Variants in TRIOBP observed in about 807,000 individuals in gnomAD.
TRIOBP encodes TRIO and F-actin-binding protein.
Under a neutral mutation model 238.8 loss-of-function variants are expected in TRIOBP, and 169 were observed. The observed-to-expected ratio is 0.71, with a 90% CI of 0.62 to 0.80. TRIOBP has a LOEUF of 0.80. TRIOBP is among the 30% of genes least tolerant of loss of function. The probability of loss-of-function intolerance (pLI) is 0.00; values close to 1 mark genes in which losing one functional copy is unlikely to be tolerated. For missense variants in TRIOBP, 2,838 were observed against 3,122.6 expected (o/e 0.91, Z 2.17); for synonymous variants, 1,150 against 1,274.4 (o/e 0.90, Z 2.08).
At chr22:37,746,994 C>T (rs1003280237) in intron 11 of TRIOBP, among the ~76,000 whole-genome samples, 6 of 152,238 alleles carry the variant, frequency 3.9e-5, no homozygotes, top group Non-Finnish European at 8.8e-5. Context: ...GATACCACGT[C>T]TTCCTGGGCT....
chr22:37,751,282 C>T (rs975223138), intron 11 of TRIOBP: 5 of 346,376 alleles, frequency 1.4e-5, no homozygotes, highest in African/African-American at 4.3e-5. Context: ...GTGACTGGCT[C>T]CACCTCCCAT....
Position 37,741,009 on chromosome 22 carries a change from C to G in TRIOBP, c.5299C>G (p.Leu1767Val). Residue 1767 changes from leucine to valine, a missense_variant, in exon 11 of 24, where the codon CTG (leucine) becomes GTG (valine). Physicochemically the swap from Leu to Val is conservative, Grantham distance 32. Around this residue, in one of 5 missense-constraint regions of TRIOBP, gnomAD observed 2,096 missense variants for 2,137.4 expected, o/e 0.98. Coordinates refer to ENST00000644935, the MANE Select transcript of TRIOBP (RefSeq NM_001039141.3). ...PTLFNPFLLS[L>V]GVLRWRRPDL... ...GCTGTTCAATCCGTTCCTGCTGTCT[C>G]TGGGGGTCCTCAGGTGGCGAAGGGT... is the stretch of plus-strand genomic sequence containing the variant. 1 of 1,561,762 alleles carries G rather than the reference C, an allele frequency of 6.4e-7. No individual in the cohort carries two copies. The highest frequency in any genetic ancestry group is 8.7e-7 in the Non-Finnish European group (1 of 1,152,474).
At chr22:37,720,349 C>T (rs1032425037) in intron 6 of TRIOBP, among the ~76,000 whole-genome samples, 19 of 152,068 alleles carry the variant, frequency 1.2e-4, no homozygotes, top group African/African-American at 2.4e-4. Context: ...AAGCTACAGA[C>T]GTGATGGGAT....
intron 4 of TRIOBP, among the ~76,000 whole-genome samples, chr22:37,711,602 A>AAAAAAAC (rs1923247690): frequency 7.1e-6 from 1 of 140,600 alleles, no homozygotes; most frequent in Non-Finnish European, 1.5e-5. Context: ...ACAACAAAAA[A>AAAAAAAC]AAAAAACAAA....
chr22:37,753,101 G>T (rs146141006), intron 12 of TRIOBP, among the ~76,000 whole-genome samples: 14 of 152,084 alleles, frequency 9.2e-5, no homozygotes, highest in Admixed American at 6.5e-4. Flanking sequence ...CAGCAACTCC[G>T]TTTACTTAGT....
In TRIOBP at chr22:37,746,360, C is replaced by G. The variant is rs754250186; in HGVS notation, c.5322+5328C>G. The G allele has an allele frequency of 4.1e-4, 507 of 1,251,226 alleles. 7 individuals carry two copies. The East Asian group carries it at 0.016, about 40-fold the overall frequency. The allele number at this position is 1,251,226 out of a possible 1,614,324, so 77.5% of individuals were successfully genotyped here. A position where few individuals can be genotyped will look rare whatever the true frequency, so the allele number is the denominator to read the frequency against. On this transcript the variant is annotated intron_variant, in intron 11 of 23. Transcript: ENST00000644935. ...GGGTTCCCGCGCCGCGGAGCCCGGC[C>G]CGAGAGCCGCGTCCACGTTCCTGCC... is the stretch of plus-strand genomic sequence containing the variant.
Position 37,772,664 on chromosome 22 carries a change from C to T in TRIOBP, c.7000C>T (p.Arg2334Trp), listed in dbSNP as rs763308152. The T allele has an allele frequency of 5.0e-6, 8 of 1,613,990 alleles. No homozygotes were observed. The highest frequency in any genetic ancestry group is 2.7e-5 in the African/African-American group (2 of 74,910). Residue 2334 changes from arginine to tryptophan, a missense_variant, in exon 23 of 24, where the codon CGG becomes TGG. Coordinates refer to ENST00000644935, the MANE Select transcript of TRIOBP (RefSeq NM_001039141.3). Reference sequence around the variant, plus strand: ...TGTGGAGCTGAGCCACATCAAGACACGGTCTGAGCGGGAGATCGAGCAGCT... The same window carrying T: ...TGTGGAGCTGAGCCACATCAAGACATGGTCTGAGCGGGAGATCGAGCAGCT... ...VYVELSHIKTRSEREIEQLKE... is the reference protein window; with the variant it reads ...VYVELSHIKTWSEREIEQLKE...
At chr22:37,761,769 G>A (rs965520704) in intron 17 of TRIOBP, among the ~76,000 whole-genome samples, 6 of 152,062 alleles carry the variant, frequency 3.9e-5, no homozygotes, top group African/African-American at 1.2e-4. Flanking sequence ...TGATAGAGGA[G>A]CAGGCAGGGG....
intron 10 of TRIOBP, among the ~76,000 whole-genome samples, chr22:37,739,061 C>G (rs999034500): frequency 6.6e-6 from 1 of 152,140 alleles, no homozygotes; most frequent in Non-Finnish European, 1.5e-5. Flanking sequence ...AGGGCCAGGC[C>G]AGGCTGAAAG....
chr22:37,770,839 C>T (rs1379541629), intron 21 of TRIOBP, among the ~76,000 whole-genome samples: 4 of 152,072 alleles, frequency 2.6e-5, no homozygotes, highest in Non-Finnish European at 5.9e-5. Flanking sequence ...CCCGCCACCA[C>T]ACCTGGCTAA....
At chr22:37,754,147 C>T (rs934369998) in intron 12 of TRIOBP, among the ~76,000 whole-genome samples, 18 of 152,282 alleles carry the variant, frequency 1.2e-4, no homozygotes, top group East Asian at 3.9e-4. Context: ...CGGTGGCTCA[C>T]GCCTGTAATC....
intron 17 of TRIOBP, among the ~76,000 whole-genome samples, chr22:37,763,850 G>A (rs969469338): frequency 2.6e-5 from 4 of 152,172 alleles, no homozygotes; most frequent in Admixed American, 6.5e-5. Flanking sequence ...GAGTCTTGCC[G>A]CGCTGCAGCC....
chr22:37,772,005 C>T, intron 22 of TRIOBP: 1 of 523,916 alleles, frequency 1.9e-6, no homozygotes, highest in South Asian at 1.8e-5. Flanking sequence ...CCTACTATAT[C>T]CTGGGCACTG....
intron 17 of TRIOBP, chr22:37,759,775 GT>G: frequency 7.2e-7 from 1 of 1,385,362 alleles, no homozygotes. Context: ...GGTCCATTTT[GT>G]CCCCCTTGGG....
rs1169724417 is a variant in TRIOBP, at chr22:37,755,143, G to T, written c.5530G>T (p.Asp1844Tyr). Residue 1844 changes from aspartate (D) to tyrosine (Y), a missense_variant, in exon 14 of 24, where the codon GAT becomes TAT. Coordinates refer to ENST00000644935, the MANE Select transcript of TRIOBP (RefSeq NM_001039141.3). ...TGAGATCGACCTGCGTTCCTGCACG[G>T]ATGTCACTGAGTACGCGGTGCAGCG... ...DGEIDLRSCT[D>Y]VTEYAVQRNY... The T allele has an allele frequency of 6.2e-7, 1 of 1,613,826 alleles. No individual in the cohort carries two copies. Among genetic ancestry groups the T allele is most frequent in the Non-Finnish European group, 8.5e-7 (1 of 1,179,896 alleles).
intron 11 of TRIOBP, chr22:37,751,431 G>T (rs1441796280): frequency 7.4e-6 from 3 of 404,982 alleles, no homozygotes; most frequent in Non-Finnish European, 1.4e-5. Context: ...CTCTCAGGGG[G>T]TCTCTATGCA....
chr22:37,706,135 A>C (rs1288951298), intron 3 of TRIOBP, among the ~76,000 whole-genome samples: 1 of 151,524 alleles, frequency 6.6e-6, no homozygotes, highest in East Asian at 1.9e-4. Flanking sequence ...CCCATGGCTG[A>C]CTCCTGTAAT....
chr22:37,718,074 C>T (rs1240463234), intron 6 of TRIOBP, among the ~76,000 whole-genome samples: 1 of 152,216 alleles, frequency 6.6e-6, no homozygotes, highest in African/African-American at 2.4e-5. Flanking sequence ...TCCCCAGCCG[C>T]TGGCCCAGGT....
At position 37,725,885 on chromosome 22, in the gene TRIOBP, C is replaced by T; in HGVS notation, c.3329C>T (p.Ala1110Val). The T allele has an allele frequency of 6.2e-7, 1 of 1,613,472 alleles. No homozygotes were observed. ...CAACACGAGCCCCTTCAGCTCCCTG[C>T]ACCTGTGTGTATTGGGTACCGAGAT... ...SPQHEPLQLP[A>V]PVCIGYRDAP... is the part of the protein sequence containing the mutation. The change falls in exon 7 of 24, where the codon GCA becomes GTA. Residue 1110 changes from alanine (A) to valine (V), a missense_variant. Ala to Val is a moderately conservative substitution (Grantham distance 64, BLOSUM62 0). Coordinates refer to ENST00000644935, the MANE Select transcript of TRIOBP (RefSeq NM_001039141.3).
Sources: gnomAD v4.1 joint callset for allele counts (sites outside exome capture counted in the v4.1 genomes callset) on GRCh38, gnomAD v4.1.1 for gene constraint, gnomAD v4.1.1 regional missense constraint, MANE v1.5 for transcripts, NCBI Gene and HGNC (gene_info 2026-07-23, HGNC 2026-07-21) for gene names.